CAPG: variants seen among roughly 807,000 people sequenced by gnomAD.
CAPG encodes capping actin protein, gelsolin like, also known as macrophage-capping protein.
CAPG carries 32 observed loss-of-function variants against 44.6 expected under a neutral mutation model. The ratio of observed to expected loss-of-function variants is 0.72; its 90% CI spans 0.54 to 0.96. The LOEUF is 0.96. Ranked by LOEUF, CAPG falls within the 50% of genes least tolerant of loss-of-function variation. The pLI, the probability that CAPG is intolerant of heterozygous loss-of-function variation, is 0.00. For synonymous variants in CAPG, 175 were observed against 179.6 expected, an observed-to-expected ratio of 0.97 and a Z score of 0.20; for missense variants, 412 against 438.3, an observed-to-expected ratio of 0.94 and a Z score of 0.54.
At chr2:85,407,709 T>C (rs1687224497) in intron 1 of CAPG, among the ~76,000 whole-genome samples, 1 of 64,978 alleles carries the variant, frequency 1.5e-5, no homozygotes, top group African/African-American at 9.5e-5. Context: ...TGAGACTCTG[T>C]CTCAAAAAAA....
At chr2:85,417,639 C>T (rs1346435994) in intron 1 of CAPG, among the ~76,000 whole-genome samples, 4 of 152,024 alleles carry the variant, frequency 2.6e-5, no homozygotes, top group East Asian at 1.9e-4. Context: ...CGTGCCACCA[C>T]GCCCGGGTAA....
chr2:85,392,415 C>T (rs1468787851), downstream of CAPG, among the ~76,000 whole-genome samples: 1 of 150,750 alleles, frequency 6.6e-6, no homozygotes, highest in Non-Finnish European at 1.5e-5. Flanking sequence ...AAAGAGCCTC[C>T]AGGCCAGGGT....
At chr2:85,400,723 A>G (rs1686840620) in intron 5 of CAPG, among the ~76,000 whole-genome samples, 1 of 151,906 alleles carries the variant, frequency 6.6e-6, no homozygotes, top group Non-Finnish European at 1.5e-5. Context: ...CCCTGCCCCA[A>G]GACCCCCCCA....
chr2:85,403,751 G>A (rs888827326), intron 1 of CAPG, among the ~76,000 whole-genome samples: 3 of 152,004 alleles, frequency 2.0e-5, no homozygotes, highest in Non-Finnish European at 4.4e-5. Context: ...GCTGGGTGTG[G>A]TGGCACGTGC....
At chr2:85,418,751 A>G (rs1687642161), upstream of CAPG, 1 of 152,102 alleles carries the variant, frequency 6.6e-6, no homozygotes, top group African/African-American at 2.4e-5. Flanking sequence ...GGACGCAAAG[A>G]TTGCGCCAGC....
chr2:85,414,367 G>T (rs1461448859), upstream of CAPG, among the ~76,000 whole-genome samples: 1 of 152,082 alleles, frequency 6.6e-6, no homozygotes, highest in African/African-American at 2.4e-5. Flanking sequence ...GTCTTTGGGA[G>T]GCTCAGAGAG....
chr2:85,406,060 G>A (rs1031216779), intron 1 of CAPG, among the ~76,000 whole-genome samples: 1 of 152,188 alleles, frequency 6.6e-6, no homozygotes, highest in African/African-American at 2.4e-5. Flanking sequence ...CTAGCACTTT[G>A]GGAGGCCGTG....
At position 85,406,183 on chromosome 2, in the gene CAPG, G is replaced by A. The variant is rs144082608; in HGVS notation, c.-13-4025C>T. Reference sequence around the variant, plus strand: ...CGGAAATCACTTGAACCTGGGAGGCGGAGGTTGCAGTGAGCCAAGATCCAT... The same window carrying A: ...CGGAAATCACTTGAACCTGGGAGGCAGAGGTTGCAGTGAGCCAAGATCCAT... On this transcript the variant is annotated intron_variant, in intron 1 of 9. Transcript: ENST00000263867. Among the ~76,000 whole-genome samples, 8 of 151,714 alleles carry A rather than the reference G, an allele frequency of 5.3e-5. No individual in the cohort carries two copies. In the East Asian group the frequency reaches 1.6e-3, roughly 29 times the overall value.
At chr2:85,407,406 G>C (rs887361241) in intron 1 of CAPG, among the ~76,000 whole-genome samples, 1 of 151,952 alleles carries the variant, frequency 6.6e-6, no homozygotes, top group African/African-American at 2.4e-5. Flanking sequence ...GAATCATTTG[G>C]GGGCTTTTGA....
At chr2:85,408,704 A>G (rs1687286110) in intron 1 of CAPG, 1 of 152,258 alleles carries the variant, frequency 6.6e-6, no homozygotes, top group Non-Finnish European at 1.5e-5. Context: ...GGGTGCAGTG[A>G]ACAAGGGAGC....
chr2:85,393,839 T>C (rs1186952838), downstream of CAPG, among the ~76,000 whole-genome samples: 1 of 152,210 alleles, frequency 6.6e-6, no homozygotes, highest in East Asian at 1.9e-4. Flanking sequence ...GCTGGGGTTA[T>C]AGGCGTGAAC....
At chr2:85,406,951 G>C (rs1226482114) in intron 1 of CAPG, among the ~76,000 whole-genome samples, 1 of 141,722 alleles carries the variant, frequency 7.1e-6, no homozygotes, top group African/African-American at 2.6e-5. Flanking sequence ...TTTTTTTTGA[G>C]ACAGAGTTTC....
rs962725654 is a variant in CAPG, at chr2:85,399,319, A to G, written c.517-34T>C. On this transcript the variant is annotated intron_variant, in intron 5 of 9. Transcript: ENST00000263867. ...AAGCAGGAAAGTCCGGGTCAGAGCC[A>G]GATGCCTGTGTCCTGCTCCCCAGCT... 6.2e-6 allele frequency: 10 copies of G among 1,609,584 alleles called. No individual in the cohort carries two copies. The Admixed American group carries it at 1.0e-4, about 16-fold the overall frequency.
rs146108847 is a variant in CAPG at position 85,399,232 on chromosome 2, C to T, written c.570G>A (p.Ala190=). 12 of 1,614,070 alleles carry T rather than the reference C, an allele frequency of 7.4e-6. No individual in the cohort carries two copies. The highest frequency in any genetic ancestry group is 6.7e-5 in the African/African-American group (5 of 74,950). The change falls in exon 6 of 10, where the codon GCG becomes GCA. Residue 190 remains alanine, a synonymous_variant. Transcript: ENST00000263867. ...CCCGGATGGCCAGGGCCAGGTCCCT[C>T]GCCTTGTTGCGTTCCAGGATGTTGG... is the stretch of plus-strand genomic sequence containing the variant. ...GKSNILERNK[A]RDLALAIRDS... is the part of the protein sequence containing the mutation.
chr2:85,410,079 G>C (rs574222745), intron 1 of CAPG, among the ~76,000 whole-genome samples: 253 of 152,328 alleles, frequency 1.7e-3, no homozygotes, highest in Non-Finnish European at 3.0e-3. Flanking sequence ...CATCCTCCCG[G>C]GCAGCTTCAC....
chr2:85,397,166 G>A (rs925759257), intron 8 of CAPG, among the ~76,000 whole-genome samples: 4 of 152,156 alleles, frequency 2.6e-5, no homozygotes, highest in African/African-American at 9.7e-5. Flanking sequence ...CAGAATCCCA[G>A]GATCAGGGGT....
At chr2:85,416,911 T>C (rs1687564073) in intron 1 of CAPG, among the ~76,000 whole-genome samples, 1 of 152,124 alleles carries the variant, frequency 6.6e-6, no homozygotes, top group African/African-American at 2.4e-5. Flanking sequence ...CCCTGGGGAA[T>C]GGCCAGGGGT....
At chr2:85,405,766 C>CT (rs746736252) in intron 1 of CAPG, among the ~76,000 whole-genome samples, 1 of 152,148 alleles carries the variant, frequency 6.6e-6, no homozygotes, top group Non-Finnish European at 1.5e-5. Flanking sequence ...CGGAGGGAAA[C>CT]TTTAACGTTT....
rs553867141 is a variant in CAPG, at chr2:85,401,255, C to T, written c.426G>A (p.Val142=). Residue 142 remains valine (V), a synonymous_variant, in exon 5 of 10, where the codon GTG becomes GTA. Coordinates refer to ENST00000263867, the MANE Select transcript of CAPG (RefSeq NM_001747.4). ...APAAIKKLYQ[V]KGKKNIRATE... ...TGGCACGGATGTTCTTCTTCCCCTT[C>T]ACCTGGTAGAGTTTCTTGATGGCAG... 14 of 1,614,198 alleles carry T rather than the reference C, an allele frequency of 8.7e-6. No homozygotes were observed. The African/African-American group carries it at 1.2e-4, about 14-fold the overall frequency.
Sources: gnomAD v4.1 joint callset for allele counts (sites outside exome capture counted in the v4.1 genomes callset) on GRCh38, gnomAD v4.1.1 for gene constraint, MANE v1.5 for transcripts, NCBI Gene and HGNC (gene_info 2026-07-23, HGNC 2026-07-21) for gene names.